Variants in KCNQ5 observed in about 807,000 individuals in gnomAD.
KCNQ5 encodes the protein potassium voltage-gated channel subfamily KQT member 5.
Under a neutral mutation model 98.2 loss-of-function variants are expected in KCNQ5, and 30 were observed. The ratio of observed to expected loss-of-function variants is 0.31; its 90% confidence interval spans 0.23 to 0.41. The LOEUF (loss-of-function observed/expected upper bound fraction) is 0.41, where lower values mean the gene tolerates loss of function less well. Ranked by LOEUF, KCNQ5 falls within the 10% of genes least tolerant of loss-of-function variation. KCNQ5 has a pLI of 1.00. For missense variants in KCNQ5, 835 were observed against 1,182.5 expected, an observed-to-expected ratio of 0.71 and a Z score of 4.31; for synonymous variants, 458 against 449.4, an observed-to-expected ratio of 1.02 and a Z score of -0.24.
chr6:73,112,539 G>T (rs1200387316), intron 7 of KCNQ5, among the ~76,000 whole-genome samples: 1 of 152,110 alleles, frequency 6.6e-6, no homozygotes, highest in Non-Finnish European at 1.5e-5. Context: ...TAGAGACAGG[G>T]TTTCACCGTG....
chr6:72,632,342 C>G (rs946836243), intron 1 of KCNQ5, among the ~76,000 whole-genome samples: 1 of 151,962 alleles, frequency 6.6e-6, no homozygotes, highest in Non-Finnish European at 1.5e-5. Context: ...GGGGTTTCAC[C>G]GTGTTAGCCA....
chr6:72,970,965 A>G (rs1157295281), intron 1 of KCNQ5, among the ~76,000 whole-genome samples: 1 of 152,246 alleles, frequency 6.6e-6, no homozygotes, highest in East Asian at 1.9e-4. Context: ...TAAAACACCA[A>G]AAGCAATGGC....
intron 2 of KCNQ5, among the ~76,000 whole-genome samples, chr6:73,004,231 G>A (rs1379332084): frequency 6.6e-6 from 1 of 152,138 alleles, no homozygotes; most frequent in Non-Finnish European, 1.5e-5. Flanking sequence ...TTGTGTTGTA[G>A]ATATATCATA....
intron 1 of KCNQ5, among the ~76,000 whole-genome samples, chr6:72,681,156 G>T (rs1047935694): frequency 6.6e-6 from 1 of 152,188 alleles, no homozygotes; most frequent in African/African-American, 2.4e-5. Flanking sequence ...CGCAGATCCT[G>T]CATGTTTGGA....
chr6:72,696,800 A>G (rs376187799), intron 1 of KCNQ5, among the ~76,000 whole-genome samples: 2 of 152,194 alleles, frequency 1.3e-5, no homozygotes, highest in African/African-American at 4.8e-5. Flanking sequence ...GGCTTACTAT[A>G]TGAAATTTAT....
intron 2 of KCNQ5, among the ~76,000 whole-genome samples, chr6:73,014,420 T>G (rs1444182881): frequency 6.6e-6 from 1 of 152,062 alleles, no homozygotes; most frequent in Non-Finnish European, 1.5e-5. Flanking sequence ...AGACAGAGCC[T>G]GTCTCAGTAT....
intron 3 of KCNQ5, among the ~76,000 whole-genome samples, chr6:73,057,983 G>A (rs1374151868): frequency 6.6e-6 from 1 of 152,080 alleles, no homozygotes; most frequent in African/African-American, 2.4e-5. Flanking sequence ...ACAAAAACAA[G>A]CAATGGGAAA....
intron 1 of KCNQ5, among the ~76,000 whole-genome samples, chr6:72,714,525 T>C (rs1769542214): frequency 6.6e-6 from 1 of 152,188 alleles, no homozygotes; most frequent in Admixed American, 6.5e-5. Flanking sequence ...TTTCCTTTTC[T>C]CTCTGATATG....
chr6:73,169,848 C>A lies in KCNQ5; in HGVS notation c.1571C>A (p.Ala524Asp). 6.3e-7 allele frequency: 1 copy of A among 1,599,280 alleles called. No individual in the cohort carries two copies. Among genetic ancestry groups the A allele is most frequent in the Non-Finnish European group, 8.6e-7 (1 of 1,166,464 alleles). ...LTPPLKTVIR[A>D]IRIMKFHVAK... ...CCACCACTTAAAACTGTCATTCGAG[C>A]TATCAGGTTGGTGAAAATCTTGAAC... The change falls in exon 11 of 14, where the codon GCT becomes GAT. Residue 524 changes from alanine to aspartate, a missense_variant. By Grantham distance (126) the Ala-to-Asp change is moderately radical. Around this residue, in one of 10 missense-constraint regions of KCNQ5, gnomAD observed 146 missense variants for 256.7 expected, o/e 0.57. Transcript: ENST00000370398.
intron 1 of KCNQ5, among the ~76,000 whole-genome samples, chr6:72,632,384 G>A (rs1157755441): frequency 2.0e-5 from 3 of 151,336 alleles, no homozygotes; most frequent in Non-Finnish European, 2.9e-5. Context: ...CTCGTGATCC[G>A]CCCGCCTCAG....
intron 1 of KCNQ5, among the ~76,000 whole-genome samples, chr6:72,995,006 T>G (rs1339246728): frequency 6.6e-6 from 1 of 152,156 alleles, no homozygotes; most frequent in Non-Finnish European, 1.5e-5. Flanking sequence ...GCCCTGGGCT[T>G]TGTATATTGA....
At chr6:73,063,881 T>G (rs950927762) in intron 3 of KCNQ5, among the ~76,000 whole-genome samples, 1 of 152,202 alleles carries the variant, frequency 6.6e-6, no homozygotes, top group African/African-American at 2.4e-5. Flanking sequence ...CTTTTTATTC[T>G]TCACAGGAGG....
chr6:73,018,867 G>A (rs547121914), intron 2 of KCNQ5, among the ~76,000 whole-genome samples: 4 of 152,216 alleles, frequency 2.6e-5, no homozygotes, highest in Non-Finnish European at 5.9e-5. Context: ...ACAACACATT[G>A]GCCTATCTGA....
intron 1 of KCNQ5, among the ~76,000 whole-genome samples, chr6:72,988,200 T>A (rs1377917989): frequency 1.3e-5 from 2 of 152,220 alleles, no homozygotes; most frequent in Non-Finnish European, 2.9e-5. Flanking sequence ...TTTTCCTTAA[T>A]GTATTTAATC....
chr6:73,114,970 C>G (rs1775428656), intron 7 of KCNQ5, among the ~76,000 whole-genome samples: 2 of 152,008 alleles, frequency 1.3e-5, no homozygotes, highest in Admixed American at 1.3e-4. Flanking sequence ...GCTCAAGCCA[C>G]TTATATAGAG....
chr6:73,010,851 T>C (rs1172293563), intron 2 of KCNQ5, among the ~76,000 whole-genome samples: 9 of 151,938 alleles, frequency 5.9e-5, no homozygotes. Context: ...AAAACTACAA[T>C]AACATTGCTG....
intron 1 of KCNQ5, among the ~76,000 whole-genome samples, chr6:72,684,090 A>T (rs891475633): frequency 1.3e-5 from 2 of 152,208 alleles, no homozygotes; most frequent in African/African-American, 4.8e-5. Context: ...ATTACCTATT[A>T]TGCACATGGC....
rs1765752540 is a variant in KCNQ5 at position 73,195,375 on chromosome 6, T to A, written c.2760T>A (p.Ser920Arg). The A allele has an allele frequency of 1.2e-6, 2 of 1,614,024 alleles. No homozygotes were observed. The highest frequency in any genetic ancestry group is 1.7e-6 in the Non-Finnish European group (2 of 1,179,910). ...AGAGCATTTGTAAGGCAGGAGAAAGTACAGATGCCCTCAGCTTGCCTCATG... is the reference window on the plus strand; with the variant it reads ...AGAGCATTTGTAAGGCAGGAGAAAGAACAGATGCCCTCAGCTTGCCTCATG... ...SSQSICKAGESTDALSLPHVK... is the reference protein window; with the variant it reads ...SSQSICKAGERTDALSLPHVK... Residue 920 changes from serine to arginine, a missense_variant, in exon 14 of 14, where the codon AGT (serine) becomes AGA (arginine). This residue lies in a region of KCNQ5 where 416 missense variants were observed against 446.9 expected (regional missense o/e 0.93). Coordinates refer to ENST00000370398, the MANE Select transcript of KCNQ5 (RefSeq NM_019842.4).
chr6:72,690,498 T>C (rs1301629493), intron 1 of KCNQ5, among the ~76,000 whole-genome samples: 1 of 152,150 alleles, frequency 6.6e-6, no homozygotes, highest in Admixed American at 6.5e-5. Context: ...GGACAGAAGA[T>C]TGGTAAAATT....
Sources: allele counts gnomAD v4.1 joint callset (sites outside exome capture counted in the v4.1 genomes callset), GRCh38; gene constraint gnomAD v4.1.1; regional missense constraint gnomAD v4.1.1; transcripts MANE v1.5; gene names NCBI Gene and HGNC (gene_info 2026-07-23, HGNC 2026-07-21).